Variants in LHX4 observed in about 807,000 individuals in gnomAD.
The protein encoded by LHX4 is LIM homeobox 4.
A neutral mutation model predicts 39.2 loss-of-function variants in LHX4; 16 were observed. The observed-to-expected ratio is 0.41, with a 90% CI of 0.28 to 0.62. LHX4 has a LOEUF of 0.62. Ranked by LOEUF, LHX4 falls within the 20% of genes least tolerant of loss-of-function variation. The probability of loss-of-function intolerance (pLI) is 0.33; values close to 1 mark genes in which losing one functional copy is unlikely to be tolerated. For synonymous variants in LHX4, 206 were observed against 198.1 expected (o/e 1.04, Z -0.33); for missense variants, 439 against 511.9 (o/e 0.86, Z 1.37).
chr1:180,235,631 C>G (rs1664297257), intron 1 of LHX4, among the ~76,000 whole-genome samples: 1 of 152,218 alleles, frequency 6.6e-6, no homozygotes, highest in Non-Finnish European at 1.5e-5. Context: ...GCTCCCCACT[C>G]GGTTCCGCAG....
At chr1:180,235,386 G>C (rs1419115609) in intron 1 of LHX4, among the ~76,000 whole-genome samples, 1 of 152,242 alleles carries the variant, frequency 6.6e-6, no homozygotes, top group African/African-American at 2.4e-5. Flanking sequence ...GAGTGCGGAC[G>C]GCGCGCCCAT....
At chr1:180,238,361 G>A (rs1294098052) in intron 1 of LHX4, among the ~76,000 whole-genome samples, 2 of 152,122 alleles carry the variant, frequency 1.3e-5, no homozygotes, top group Non-Finnish European at 2.9e-5. Context: ...GATGTAAGAA[G>A]GATTTTCTGA....
At chr1:180,255,746 G>A (rs1387829762) in intron 2 of LHX4, among the ~76,000 whole-genome samples, 1 of 152,236 alleles carries the variant, frequency 6.6e-6, no homozygotes, top group Non-Finnish European at 1.5e-5. Context: ...GCCCCAGAGC[G>A]TGCAGTTCAG....
At chr1:180,238,112 C>T (rs563194899) in intron 1 of LHX4, among the ~76,000 whole-genome samples, 4 of 152,200 alleles carry the variant, frequency 2.6e-5, no homozygotes, top group African/African-American at 7.2e-5. Context: ...ATTTGTTACT[C>T]GACTCCTTAT....
In LHX4 at chr1:180,276,442, A is replaced by G. The variant is rs1378825217; in HGVS notation, c.*1863A>G. ...GTACCCTCGTTTTTTGGTGTGCTGC[A>G]GTGGTCATGATTTTTGCTTGAGAAG... On this transcript the variant is annotated 3_prime_UTR_variant, in exon 6 of 6. Transcript: ENST00000263726. The G allele has an allele frequency of 6.6e-6, 1 of 152,174 alleles. No individual in the cohort carries two copies. Among genetic ancestry groups the G allele is most frequent in the Non-Finnish European group, 1.5e-5 (1 of 68,034 alleles). 9.4% of individuals were successfully genotyped at this position (152,174 alleles called of 1,614,324 possible).
At chr1:180,256,747 A>AC (rs531450807) in intron 2 of LHX4, among the ~76,000 whole-genome samples, 1 of 151,776 alleles carries the variant, frequency 6.6e-6, no homozygotes, top group South Asian at 2.1e-4. Context: ...CTCAGTAAGC[A>AC]CCCCCGATGC....
At chr1:180,254,700 G>A (rs1647772006) in intron 2 of LHX4, among the ~76,000 whole-genome samples, 1 of 152,220 alleles carries the variant, frequency 6.6e-6, no homozygotes, top group Non-Finnish European at 1.5e-5. Flanking sequence ...AGCAGGTGCG[G>A]GGTTTTGAGT....
At chr1:180,229,964 A>AGGGGGGGGCGGGGGGGGCGG (rs1664130182), upstream of LHX4, among the ~76,000 whole-genome samples, 1 of 73,482 alleles carries the variant, frequency 1.4e-5, no homozygotes, top group Non-Finnish European at 2.5e-5. Flanking sequence ...GGAGGCGGGG[A>AGGGGGGGGCGGGGGGGGCGG]GGGGGGGGGG....
intron 2 of LHX4, among the ~76,000 whole-genome samples, chr1:180,257,131 G>A (rs1472935203): frequency 6.6e-6 from 1 of 152,180 alleles, no homozygotes; most frequent in African/African-American, 2.4e-5. Flanking sequence ...AGGACTTGAG[G>A]CCAAATGGAC....
rs1180016303 is a variant in LHX4 at position 180,278,704 on chromosome 1, TC to T, written c.*4126del. On this transcript the variant is annotated 3_prime_UTR_variant, in exon 6 of 6. Transcript: ENST00000263726. ...AGGGCTGCGGGATTCCAGAAGTTGCTCTGAGCTTGCAATCAGACCTCAAAGC... is the reference window on the plus strand; with the variant it reads ...AGGGCTGCGGGATTCCAGAAGTTGCTTGAGCTTGCAATCAGACCTCAAAGC... The T allele has an allele frequency of 1.3e-5, 2 of 151,742 alleles. No homozygotes were observed. Among genetic ancestry groups the T allele is most frequent in the Non-Finnish European group, 2.9e-5 (2 of 67,992 alleles). 9.4% of individuals were successfully genotyped at this position (151,742 alleles called of 1,614,324 possible). A position where few individuals can be genotyped will look rare whatever the true frequency, so the allele number is the denominator to read the frequency against.
At chr1:180,259,409 G>C (rs12137243) in intron 2 of LHX4, among the ~76,000 whole-genome samples, 3 of 151,502 alleles carry the variant, frequency 2.0e-5, no homozygotes, top group African/African-American at 7.4e-5. Context: ...GTCTCATTAC[G>C]TGAGAAGGAA....
chr1:180,266,623 T>C lies in LHX4; in HGVS notation c.451+29T>C, dbSNP rs759526847. 5 of 1,607,128 alleles carry C rather than the reference T, an allele frequency of 3.1e-6. No individual in the cohort carries two copies. In the East Asian group the frequency reaches 1.1e-4, roughly 36 times the overall value. On this transcript the variant is annotated intron_variant, in intron 3 of 5. Transcript: ENST00000263726. The surrounding 1 kb of genome is among the most constrained non-coding windows in gnomAD (Gnocchi z 5.7). ...AGCAGCATGGCCCCGCATGGTCCCCTCTCCAGGCCTTTGTTTGGGCCACGC... is the reference window on the plus strand; with the variant it reads ...AGCAGCATGGCCCCGCATGGTCCCCCCTCCAGGCCTTTGTTTGGGCCACGC...
chr1:180,274,676 T>G lies in LHX4; in HGVS notation c.*97T>G, dbSNP rs145063714. 0.015 allele frequency: 20,650 copies of G among 1,363,842 alleles called. 187 individuals carry two copies. The highest frequency in any genetic ancestry group is 0.018 in the Non-Finnish European group (18,009 of 1,010,332). 84.5% of individuals were successfully genotyped at this position (1,363,842 alleles called of 1,614,324 possible). On this transcript the variant is annotated 3_prime_UTR_variant, in exon 6 of 6. Transcript: ENST00000263726. ...CTTTTAAGGATCGAAAGTACGCCAA[T>G]GTGAATTTCCATTATTTTCAATGGA...
chr1:180,272,864 T>C (rs541203452), intron 5 of LHX4: 1 of 152,336 alleles, frequency 6.6e-6, no homozygotes, highest in East Asian at 1.9e-4. Flanking sequence ...CAACTGTGGA[T>C]GTGCTTGGGG....
chr1:180,236,594 G>GT (rs2149252742), intron 1 of LHX4, among the ~76,000 whole-genome samples: 1 of 152,274 alleles, frequency 6.6e-6, no homozygotes, highest in East Asian at 1.9e-4. Flanking sequence ...TGAGCTTCTT[G>GT]TTTTGGACGG....
intron 2 of LHX4, among the ~76,000 whole-genome samples, chr1:180,256,460 A>G (rs1176782008): frequency 1.3e-5 from 2 of 152,158 alleles, no homozygotes; most frequent in Non-Finnish European, 2.9e-5. Flanking sequence ...GGCACTGTGG[A>G]TGAGACAGCA....
intron 2 of LHX4, among the ~76,000 whole-genome samples, chr1:180,263,472 G>A (rs148741642): frequency 0.01 from 1,366 of 130,152 alleles, 11 homozygotes; most frequent in Non-Finnish European, 0.015. Flanking sequence ...GGCTGGGCCG[G>A]GGGAGCCTTG....
upstream of LHX4, among the ~76,000 whole-genome samples, chr1:180,229,959 C>CGGAGGCGGGGGGG (rs1238306398): frequency 4.4e-5 from 1 of 22,758 alleles, no homozygotes; most frequent in Non-Finnish European, 8.0e-5. Flanking sequence ...GAGGCGGAGG[C>CGGAGGCGGGGGGG]GGGGAGGGGG....
At chr1:180,251,695 A>G (rs764200800) in intron 2 of LHX4, among the ~76,000 whole-genome samples, 1 of 152,168 alleles carries the variant, frequency 6.6e-6, no homozygotes, top group Non-Finnish European at 1.5e-5. Context: ...TGAGTGAGGG[A>G]GGCCCAGGCT....
Sources: gnomAD v4.1 joint callset for allele counts (sites outside exome capture counted in the v4.1 genomes callset) on GRCh38, gnomAD v4.1.1 for gene constraint, Gnocchi (gnomAD v3.1) non-coding constraint, MANE v1.5 for transcripts, NCBI Gene and HGNC (gene_info 2026-07-23, HGNC 2026-07-21) for gene names.